Variants in LRRC8B observed in about 807,000 individuals in gnomAD.
LRRC8B encodes the protein leucine rich repeat containing 8 VRAC subunit B.
In LRRC8B, 23 loss-of-function variants were observed where a neutral mutation model predicts 58.8. That is an observed-to-expected ratio of 0.39 (90% CI 0.28 to 0.55). The LOEUF (loss-of-function observed/expected upper bound fraction) is 0.55. Among genes scored for constraint, LRRC8B ranks in the 20% least tolerant of loss-of-function variants. The pLI, the probability that LRRC8B is intolerant of heterozygous loss-of-function variation, is 0.62. For missense variants in LRRC8B, 694 were observed against 936.0 expected, an observed-to-expected ratio of 0.74 and a Z score of 3.37; for synonymous variants, 359 against 374.1, an observed-to-expected ratio of 0.96 and a Z score of 0.47.
chr1:89,555,663 T>C (rs1330661333), intron 1 of LRRC8B, among the ~76,000 whole-genome samples: 1 of 152,232 alleles, frequency 6.6e-6, no homozygotes, highest in East Asian at 1.9e-4. Context: ...CCTGTCATCA[T>C]GTCAAGGAGG....
rs1440128085 is a variant in LRRC8B, at chr1:89,596,552, C to A, written c.*3509C>A. The stretch of plus-strand genomic sequence containing the variant: ...GCATAATATTGATGGGTTCAAAAAC[C>A]ATTAAAATAATCAAACAATTATTCT... On this transcript the variant is annotated 3_prime_UTR_variant, in exon 6 of 6. Transcript: ENST00000330947. 1.3e-5 allele frequency: 2 copies of A among 151,900 alleles called. No individual in the cohort carries two copies. The highest frequency in any genetic ancestry group is 2.9e-5 in the Non-Finnish European group (2 of 67,944). The allele number at this position is 151,900 out of a possible 1,614,324, so 9.4% of individuals were successfully genotyped here.
intron 3 of LRRC8B, among the ~76,000 whole-genome samples, chr1:89,576,340 C>T (rs922104): frequency 0.51 from 77,710 of 151,946 alleles, 20,131 homozygotes; most frequent in South Asian, 0.57. Context: ...TTTTCTCAGA[C>T]AGTTTATTGT....
At chr1:89,590,202 TA>T in intron 5 of LRRC8B, among the ~76,000 whole-genome samples, 1 of 152,350 alleles carries the variant, frequency 6.6e-6, no homozygotes, top group African/African-American at 2.4e-5. Flanking sequence ...GCATGCTAAA[TA>T]AATTAGTTTT....
intron 1 of LRRC8B, among the ~76,000 whole-genome samples, chr1:89,530,178 G>C (rs1480435797): frequency 6.7e-6 from 1 of 149,372 alleles, no homozygotes; most frequent in African/African-American, 2.5e-5. Context: ...GTGAAACCCC[G>C]TCTCTACAAA....
chr1:89,587,244 A>T (rs1654687440), intron 5 of LRRC8B, among the ~76,000 whole-genome samples: 1 of 152,154 alleles, frequency 6.6e-6, no homozygotes, highest in African/African-American at 2.4e-5. Flanking sequence ...TCATGTGGGG[A>T]TTTAACTAAT....
In LRRC8B at chr1:89,544,147, T is replaced by A. The variant is rs1651230115; in HGVS notation, c.-241+19125T>A. Among the ~76,000 whole-genome samples, 4 of 152,172 alleles carry A rather than the reference T, an allele frequency of 2.6e-5. No homozygotes were observed. The South Asian group carries it at 6.2e-4, about 24-fold the overall frequency. ...GTTTATGCAGAACAAGGTGTAAGAATACATAGTTATTTGGTGTGTGCAGTA... is the reference window on the plus strand; with the variant it reads ...GTTTATGCAGAACAAGGTGTAAGAAAACATAGTTATTTGGTGTGTGCAGTA... On this transcript the variant is annotated intron_variant, in intron 1 of 5. Coordinates refer to ENST00000330947, the MANE Select transcript of LRRC8B (RefSeq NM_001369817.2).
At chr1:89,560,367 A>G (rs1038621089) in intron 1 of LRRC8B, among the ~76,000 whole-genome samples, 1 of 151,242 alleles carries the variant, frequency 6.6e-6, no homozygotes, top group Non-Finnish European at 1.5e-5. Flanking sequence ...AGGCTTTAAT[A>G]TATCTATCTC....
At chr1:89,555,654 C>G (rs1224291091) in intron 1 of LRRC8B, among the ~76,000 whole-genome samples, 2 of 152,140 alleles carry the variant, frequency 1.3e-5, no homozygotes, top group African/African-American at 4.8e-5. Flanking sequence ...GTGAAGTGAC[C>G]TGTCATCATG....
chr1:89,572,416 T>G (rs1024288279), intron 3 of LRRC8B: 6 of 152,270 alleles, frequency 3.9e-5, no homozygotes, highest in African/African-American at 1.4e-4. Context: ...GAAGTTTTCA[T>G]GGATGATACC....
At chr1:89,527,627 T>C (rs1649803329) in intron 1 of LRRC8B, among the ~76,000 whole-genome samples, 1 of 152,276 alleles carries the variant, frequency 6.6e-6, no homozygotes, top group African/African-American at 2.4e-5. Context: ...TTTATTGCTA[T>C]TGCCTACTTT....
intron 4 of LRRC8B, among the ~76,000 whole-genome samples, chr1:89,580,680 C>T (rs1243508426): frequency 6.6e-6 from 1 of 152,112 alleles, no homozygotes; most frequent in African/African-American, 2.4e-5. Flanking sequence ...AATAGATCCA[C>T]TAAACTGGAG....
Position 89,588,369 on chromosome 1 carries a change from G to A in LRRC8B, c.2139+3580G>A, listed in dbSNP as rs573806976. Reference sequence around the variant, plus strand: ...CATTGTGCTTCTCCAAGGAGAGATGGTATGCAATATTCATCAAATGTGTTT... The same window carrying A: ...CATTGTGCTTCTCCAAGGAGAGATGATATGCAATATTCATCAAATGTGTTT... On this transcript the variant is annotated intron_variant, in intron 5 of 5. Coordinates refer to ENST00000330947, the MANE Select transcript of LRRC8B (RefSeq NM_001369817.2). Among the ~76,000 whole-genome samples the A allele has an allele frequency of 1.9e-4, 29 of 152,278 alleles. 1 individual carries two copies. In the South Asian group the frequency reaches 6.0e-3, roughly 32 times the overall value.
chr1:89,532,307 T>G (rs1411499288), intron 1 of LRRC8B, among the ~76,000 whole-genome samples: 1 of 152,180 alleles, frequency 6.6e-6, no homozygotes, highest in Non-Finnish European at 1.5e-5. Context: ...TTTGTCTCCC[T>G]TGTTTAACTG....
intron 1 of LRRC8B, among the ~76,000 whole-genome samples, chr1:89,564,383 G>T (rs1274351181): frequency 6.6e-6 from 1 of 152,142 alleles, no homozygotes; most frequent in Non-Finnish European, 1.5e-5. Flanking sequence ...TTGAAAAAAG[G>T]AGAGAGCTGT....
chr1:89,580,584 C>T (rs529112631), intron 4 of LRRC8B, among the ~76,000 whole-genome samples: 19 of 152,194 alleles, frequency 1.2e-4, no homozygotes, highest in African/African-American at 4.6e-4. Context: ...TTCATGTATT[C>T]CTCTCATTTT....
chr1:89,586,271 C>T (rs1254904007), intron 5 of LRRC8B, among the ~76,000 whole-genome samples: 2 of 152,120 alleles, frequency 1.3e-5, no homozygotes, highest in East Asian at 3.8e-4. Context: ...TGATGCTGGC[C>T]TAGTGACTGC....
chr1:89,532,025 C>T (rs1650172200), intron 1 of LRRC8B, among the ~76,000 whole-genome samples: 1 of 152,128 alleles, frequency 6.6e-6, no homozygotes, highest in Admixed American at 6.5e-5. Context: ...CAGTGGCACA[C>T]CAAGCTCCTT....
chr1:89,593,027 G>A lies in LRRC8B; in HGVS notation c.2396G>A (p.Cys799Tyr), dbSNP rs146645899. 28 of 1,611,890 alleles carry A rather than the reference G, an allele frequency of 1.7e-5. No individual in the cohort carries two copies. In the African/African-American group the frequency reaches 3.1e-4, roughly 18 times the overall value. ...CCTGTAACAGAACGTTTACAGACGT[G>A]CTTAGACAAATGTTGACTTAAAGAA... ...PLPVTERLQT[C>Y]LDKC The change falls in exon 6 of 6, where the codon TGC becomes TAC. Residue 799 changes from cysteine to tyrosine, a missense_variant. Around this residue, in one of 5 missense-constraint regions of LRRC8B, gnomAD observed 139 missense variants for 158.2 expected, o/e 0.88. Transcript: ENST00000330947.
chr1:89,537,218 A>G (rs1428797086), intron 1 of LRRC8B, among the ~76,000 whole-genome samples: 1 of 152,234 alleles, frequency 6.6e-6, no homozygotes, highest in Non-Finnish European at 1.5e-5. Flanking sequence ...CATGCTATAA[A>G]TAGCCACTGC....
Sources: gnomAD v4.1 joint callset for allele counts (sites outside exome capture counted in the v4.1 genomes callset) on GRCh38, gnomAD v4.1.1 for gene constraint, gnomAD v4.1.1 regional missense constraint, MANE v1.5 for transcripts, NCBI Gene and HGNC (gene_info 2026-07-23, HGNC 2026-07-21) for gene names.